The following CNTN4 variants were observed in gnomAD, a reference collection of about 807,000 sequenced individuals.
The protein encoded by CNTN4 is contactin 4.
A neutral mutation model predicts 122.5 loss-of-function variants in CNTN4; 77 were observed. That is an observed-to-expected ratio of 0.63 (90% CI 0.52 to 0.76). CNTN4 has a LOEUF of 0.76. Among genes scored for constraint, CNTN4 ranks in the 30% least tolerant of loss-of-function variants. CNTN4 has a pLI of 0.00. For synonymous variants in CNTN4, 512 were observed against 447.0 expected (o/e 1.15, Z -1.83); for missense variants, 1,256 against 1,259.1 (o/e 1.00, Z 0.04).
intron 23 of CNTN4, among the ~76,000 whole-genome samples, chr3:3,045,274 G>A (rs1034012862): frequency 6.6e-6 from 1 of 152,208 alleles, no homozygotes; most frequent in East Asian, 1.9e-4. Context: ...CAGCTTTGAA[G>A]AGAATAGTGT....
intron 14 of CNTN4, among the ~76,000 whole-genome samples, chr3:3,011,724 T>C (rs1441104965): frequency 6.6e-6 from 1 of 152,214 alleles, no homozygotes; most frequent in Admixed American, 6.5e-5. Context: ...CATTTTGTCC[T>C]GACTTAGAGT....
chr3:2,513,304 T>C (rs188714848), intron 3 of CNTN4, among the ~76,000 whole-genome samples: 2 of 152,316 alleles, frequency 1.3e-5, no homozygotes, highest in African/African-American at 4.8e-5. Flanking sequence ...AGCTATATTT[T>C]TAAATAACTG....
At chr3:2,398,402 T>G (rs2150945751) in intron 3 of CNTN4, among the ~76,000 whole-genome samples, 1 of 152,204 alleles carries the variant, frequency 6.6e-6, no homozygotes, top group Admixed American at 6.5e-5. Flanking sequence ...TTACTTGAAA[T>G]TTTTTCATGT....
At chr3:2,349,922 A>T (rs1338667568) in intron 3 of CNTN4, among the ~76,000 whole-genome samples, 1 of 152,186 alleles carries the variant, frequency 6.6e-6, no homozygotes, top group Non-Finnish European at 1.5e-5. Context: ...TTATATGAAC[A>T]GGATGAAATA....
chr3:2,233,021 A>G (rs1188860852), intron 2 of CNTN4, among the ~76,000 whole-genome samples: 1 of 152,180 alleles, frequency 6.6e-6, no homozygotes, highest in Admixed American at 6.5e-5. Flanking sequence ...ATCTGAGTGC[A>G]TGCAAAGAAA....
chr3:3,049,647 C>A (rs7649378), intron 23 of CNTN4, among the ~76,000 whole-genome samples: 93,116 of 151,764 alleles, frequency 0.61, 29,148 homozygotes, highest in Non-Finnish European at 0.68. Flanking sequence ...TAGAGAAAGC[C>A]ATGGAGTGGA....
rs552886562 is a variant in CNTN4, at chr3:2,764,494, G to C, written c.358+18797G>C. Among the ~76,000 whole-genome samples, 21 of 152,310 alleles carry C rather than the reference G, an allele frequency of 1.4e-4. No homozygotes were observed. The South Asian group carries it at 4.4e-3, about 32-fold the overall frequency. ...TGTGTGGCTGGAGGGCACAGAGCAAGGCTGAATGCAGCAGAGCAGAAAGTG... is the reference window on the plus strand; with the variant it reads ...TGTGTGGCTGGAGGGCACAGAGCAACGCTGAATGCAGCAGAGCAGAAAGTG... On this transcript the variant is annotated intron_variant, in intron 6 of 24. Transcript: ENST00000418658.
At chr3:2,804,741 T>C (rs1433271358) in intron 6 of CNTN4, among the ~76,000 whole-genome samples, 1 of 134,256 alleles carries the variant, frequency 7.4e-6, no homozygotes, top group South Asian at 2.2e-4. Context: ...TGAGCACTTT[T>C]TTTTTGAGAC....
chr3:2,545,101 T>C (rs568367479), intron 3 of CNTN4, among the ~76,000 whole-genome samples: 1 of 152,274 alleles, frequency 6.6e-6, no homozygotes, highest in East Asian at 1.9e-4. Flanking sequence ...AAAGAATTTC[T>C]TGATTTCTGC....
chr3:2,501,836 A>G (rs1443086110), intron 3 of CNTN4, among the ~76,000 whole-genome samples: 1 of 152,126 alleles, frequency 6.6e-6, no homozygotes, highest in East Asian at 1.9e-4. Context: ...CCTCGACATA[A>G]CACCTAGATT....
At chr3:2,287,005 T>C (rs923407597) in intron 2 of CNTN4, among the ~76,000 whole-genome samples, 4 of 152,198 alleles carry the variant, frequency 2.6e-5, no homozygotes, top group Non-Finnish European at 5.9e-5. Context: ...TGTGGAGATA[T>C]TCGTAGTTAG....
At chr3:2,206,450 A>G (rs2038346830) in intron 2 of CNTN4, among the ~76,000 whole-genome samples, 1 of 152,096 alleles carries the variant, frequency 6.6e-6, no homozygotes, top group Non-Finnish European at 1.5e-5. Context: ...AGTGTTCTCT[A>G]AATAATGAAT....
chr3:3,046,238 G>T (rs551585904), intron 23 of CNTN4, among the ~76,000 whole-genome samples: 101 of 152,300 alleles, frequency 6.6e-4, no homozygotes, highest in African/African-American at 2.2e-3. Context: ...CCCCAGCCTA[G>T]CAAGGCAGGC....
At chr3:2,957,454 A>G (rs546666212) in intron 13 of CNTN4, among the ~76,000 whole-genome samples, 1 of 151,954 alleles carries the variant, frequency 6.6e-6, no homozygotes, top group South Asian at 2.1e-4. Context: ...TTTCAACTTT[A>G]TTTTGGATTC....
chr3:2,545,624 T>C (rs981636517), intron 3 of CNTN4, among the ~76,000 whole-genome samples: 2 of 152,002 alleles, frequency 1.3e-5, no homozygotes, highest in Non-Finnish European at 2.9e-5. Flanking sequence ...TGCCTTTTTT[T>C]TTTTTTATCC....
At chr3:2,641,993 T>G (rs1395170250) in intron 4 of CNTN4, among the ~76,000 whole-genome samples, 1 of 152,228 alleles carries the variant, frequency 6.6e-6, no homozygotes, top group Non-Finnish European at 1.5e-5. Flanking sequence ...GTCAGGGTTC[T>G]CTAGAGGGAC....
chr3:2,166,509 A>C (rs530092996), intron 2 of CNTN4, among the ~76,000 whole-genome samples: 1 of 151,964 alleles, frequency 6.6e-6, no homozygotes, highest in Admixed American at 6.6e-5. Context: ...ACCTGAGAGT[A>C]ATGAGTTCAG....
chr3:2,479,209 T>TTATC (rs773649987), intron 3 of CNTN4, among the ~76,000 whole-genome samples: 1 of 152,184 alleles, frequency 6.6e-6, no homozygotes, highest in Non-Finnish European at 1.5e-5. Flanking sequence ...AATAATAACT[T>TTATC]TATCTGTTGT....
chr3:2,390,253 C>T (rs2046396126), intron 3 of CNTN4, among the ~76,000 whole-genome samples: 1 of 110,562 alleles, frequency 9.0e-6, no homozygotes, highest in Admixed American at 9.2e-5. Context: ...TGTGTGTGTA[C>T]AGAGGGCATA....
Sources: gnomAD v4.1 joint callset for allele counts (sites outside exome capture counted in the v4.1 genomes callset) on GRCh38, gnomAD v4.1.1 for gene constraint, MANE v1.5 for transcripts, NCBI Gene and HGNC (gene_info 2026-07-23, HGNC 2026-07-21) for gene names.